DNAJC6: variants seen among roughly 807,000 people sequenced by gnomAD.
The protein encoded by DNAJC6 is DnaJ heat shock protein family (Hsp40) member C6.
DNAJC6 carries 34 observed loss-of-function variants against 110.0 expected under a neutral mutation model. The observed-to-expected ratio is 0.31, with a 90% CI of 0.24 to 0.41. The LOEUF (loss-of-function observed/expected upper bound fraction) is 0.41, where lower values mean the gene tolerates loss of function less well. Among genes scored for constraint, DNAJC6 ranks in the 10% least tolerant of loss-of-function variants. DNAJC6 has a pLI of 1.00. For synonymous variants in DNAJC6, 406 were observed against 437.2 expected (o/e 0.93, Z 0.89); for missense variants, 1,031 against 1,207.8 (o/e 0.85, Z 2.17).
chr1:65,386,879 G>T lies in DNAJC6; in HGVS notation c.1063G>T (p.Val355Phe), dbSNP rs752489776. 6.2e-7 allele frequency: 1 copy of T among 1,614,142 alleles called. No individual in the cohort carries two copies. The highest frequency in any genetic ancestry group is 1.1e-5 in the South Asian group (1 of 91,082). The change falls in exon 8 of 19, where the codon GTT (valine) becomes TTT (phenylalanine). Residue 355 changes from valine to phenylalanine, a missense_variant. Coordinates refer to ENST00000371069, the MANE Select transcript of DNAJC6 (RefSeq NM_001256864.2). ...CATCACTGTGCAAGGAGACGTGGTTGTTTCCATGTATCACTTGAGGTCAAC... is the reference window on the plus strand; with the variant it reads ...CATCACTGTGCAAGGAGACGTGGTTTTTTCCATGTATCACTTGAGGTCAAC... ...LNITVQGDVV[V>F]SMYHLRSTIG...
intron 14 of DNAJC6, among the ~76,000 whole-genome samples, chr1:65,399,906 C>T (rs1646014329): frequency 3.3e-5 from 5 of 151,982 alleles, no homozygotes; most frequent in Admixed American, 2.6e-4. Context: ...TTGGCTGGGG[C>T]GTGGTGGCTC....
rs1025486496 is a variant in DNAJC6 at position 65,330,916 on chromosome 1, A to T, written c.193+20978A>T. Among the ~76,000 whole-genome samples, 3 of 152,284 alleles carry T rather than the reference A, an allele frequency of 2.0e-5. No homozygotes were observed. The South Asian group carries it at 6.2e-4, about 32-fold the overall frequency. ...CGTCATCTAAGATGGCCAACTAAAC[A>T]TTAGTTTTCCAGCCAATGTGAAGGC... On this transcript the variant is annotated intron_variant, in intron 1 of 18. Coordinates refer to ENST00000371069, the MANE Select transcript of DNAJC6 (RefSeq NM_001256864.2).
chr1:65,324,926 C>G (rs1645228829), intron 1 of DNAJC6, among the ~76,000 whole-genome samples: 1 of 152,144 alleles, frequency 6.6e-6, no homozygotes, highest in South Asian at 2.1e-4. Flanking sequence ...TAGGGAAACC[C>G]TGATATAGGG....
At chr1:65,392,124 A>G (rs1645933031) in intron 11 of DNAJC6, among the ~76,000 whole-genome samples, 1 of 152,182 alleles carries the variant, frequency 6.6e-6, no homozygotes, top group Non-Finnish European at 1.5e-5. Context: ...AAACCAAGGC[A>G]CAGAGAAGTA....
chr1:65,360,025 C>T (rs1193934146), intron 1 of DNAJC6, among the ~76,000 whole-genome samples: 1 of 152,204 alleles, frequency 6.6e-6, no homozygotes, highest in Non-Finnish European at 1.5e-5. Flanking sequence ...TTTGTTACCC[C>T]TTGATCTACC....
At chr1:65,405,223 A>G (rs1646063931) in intron 15 of DNAJC6, among the ~76,000 whole-genome samples, 1 of 152,188 alleles carries the variant, frequency 6.6e-6, no homozygotes, top group Non-Finnish European at 1.5e-5. Flanking sequence ...AAGCTTGAAT[A>G]AGATCCTTTG....
intron 18 of DNAJC6, 53 bp from the exon 19 acceptor site, chr1:65,412,871 T>C (rs935923523): frequency 4.9e-6 from 7 of 1,423,472 alleles, no homozygotes; most frequent in Non-Finnish European, 2.0e-6. Context: ...AAATTTAATA[T>C]TAATGAAATT....
At chr1:65,327,292 G>C (rs1001105247) in intron 1 of DNAJC6, among the ~76,000 whole-genome samples, 2 of 152,172 alleles carry the variant, frequency 1.3e-5, no homozygotes, top group African/African-American at 4.8e-5. Context: ...TGAGGACCTA[G>C]TAAGGAGGAG....
chr1:65,311,215 G>GTTT (rs71056098), intron 1 of DNAJC6, among the ~76,000 whole-genome samples: 4,665 of 68,878 alleles, frequency 0.068, 1,439 homozygotes, highest in South Asian at 0.086. Flanking sequence ...TTTCAGGACT[G>GTTT]TTTTTTTTTT....
intron 14 of DNAJC6, among the ~76,000 whole-genome samples, chr1:65,400,790 A>G (rs1198271019): frequency 6.6e-6 from 1 of 152,246 alleles, no homozygotes; most frequent in Non-Finnish European, 1.5e-5. Context: ...TGCAATAAGC[A>G]TGGGAGTGCA....
At position 65,395,001 on chromosome 1, in the gene DNAJC6, G is replaced by C; in HGVS notation, c.2007G>C (p.Gln669His). ...TSSASSDPFL[Q>H]PTRSPSPTVH... Reference sequence around the variant, plus strand: ...GTGCTTCCAGTGACCCCTTTCTCCAGCCAACAAGAAGTCCTTCGCCCACAG... The same window carrying C: ...GTGCTTCCAGTGACCCCTTTCTCCACCCAACAAGAAGTCCTTCGCCCACAG... The change falls in exon 13 of 19, where the codon CAG becomes CAC. Residue 669 changes from glutamine to histidine, a missense_variant. Physicochemically the swap from Gln to His is conservative, Grantham distance 24. Transcript: ENST00000371069. The C allele has an allele frequency of 6.2e-7, 1 of 1,611,934 alleles. No individual in the cohort carries two copies. The highest frequency in any genetic ancestry group is 8.5e-7 in the Non-Finnish European group (1 of 1,179,298).
At chr1:65,340,421 C>T (rs573567503) in intron 1 of DNAJC6, among the ~76,000 whole-genome samples, 1 of 152,144 alleles carries the variant, frequency 6.6e-6, no homozygotes, top group Non-Finnish European at 1.5e-5. Flanking sequence ...TGGGCCCTTC[C>T]ATAGCTATAG....
intron 17 of DNAJC6, among the ~76,000 whole-genome samples, chr1:65,410,519 G>T (rs764219639): frequency 6.6e-6 from 1 of 152,128 alleles, no homozygotes; most frequent in Non-Finnish European, 1.5e-5. Flanking sequence ...TTGGTACAGG[G>T]TATGTAATTG....
chr1:65,277,258 A>T (rs1372879422), intron 1 of DNAJC6, among the ~76,000 whole-genome samples: 1 of 152,028 alleles, frequency 6.6e-6, no homozygotes, highest in Non-Finnish European at 1.5e-5. Context: ...ATTTTTAGTT[A>T]CTCTTTCTTG....
intron 1 of DNAJC6, among the ~76,000 whole-genome samples, chr1:65,271,104 CATT>C (rs1007006545): frequency 2.6e-5 from 4 of 151,854 alleles, no homozygotes; most frequent in Admixed American, 6.6e-5. Flanking sequence ...ACTTAAAAAA[CATT>C]ATTATTTTTT....
intron 1 of DNAJC6, among the ~76,000 whole-genome samples, chr1:65,301,331 C>CG (rs1644976645): frequency 6.6e-6 from 1 of 152,126 alleles, no homozygotes; most frequent in African/African-American, 2.4e-5. Flanking sequence ...ACTTCCCCCC[C>CG]CACAAACAAA....
At position 65,327,479 on chromosome 1, in the gene DNAJC6, T is replaced by C. The variant is rs532075445; in HGVS notation, c.193+17541T>C. Among the ~76,000 whole-genome samples the C allele has an allele frequency of 9.1e-4, 139 of 152,230 alleles. 2 individuals are homozygous for C. The highest frequency in any genetic ancestry group is 5.4e-3 in the Admixed American group (83 of 15,286). On this transcript the variant is annotated intron_variant, in intron 1 of 18. Transcript: ENST00000371069. The stretch of plus-strand genomic sequence containing the variant: ...GACTTAGAGCAAGGTTGGTGGCTCA[T>C]GCTTTTTTTCTGTTTTAAATAGAGA...
upstream of DNAJC6, among the ~76,000 whole-genome samples, chr1:65,305,550 A>G (rs1427895939): frequency 2.0e-5 from 3 of 152,222 alleles, no homozygotes; most frequent in African/African-American, 4.8e-5. Context: ...TAATGCCATG[A>G]CATTTTTGTT....
intron 1 of DNAJC6, among the ~76,000 whole-genome samples, chr1:65,286,818 C>A (rs917577320): frequency 6.6e-6 from 1 of 152,096 alleles, no homozygotes; most frequent in African/African-American, 2.4e-5. Flanking sequence ...TCATTTAAAC[C>A]TAGTACTAAT....
Sources: gnomAD v4.1 joint callset for allele counts (sites outside exome capture counted in the v4.1 genomes callset) on GRCh38, gnomAD v4.1.1 for gene constraint, MANE v1.5 for transcripts, NCBI Gene and HGNC (gene_info 2026-07-23, HGNC 2026-07-21) for gene names.